Variants in TCF7L2 observed in about 807,000 individuals in gnomAD.
TCF7L2 encodes the protein transcription factor 7 like 2.
A neutral mutation model predicts 77.9 loss-of-function variants in TCF7L2; 23 were observed. The ratio of observed to expected loss-of-function variants is 0.30; its 90% confidence interval spans 0.21 to 0.42. The LOEUF (loss-of-function observed/expected upper bound fraction) is 0.42, where lower values mean the gene tolerates loss of function less well. Among genes scored for constraint, TCF7L2 ranks in the 10% least tolerant of loss-of-function variants. The pLI is 1.00. For synonymous variants in TCF7L2, 413 were observed against 340.2 expected, an observed-to-expected ratio of 1.21 and a Z score of -2.36; for missense variants, 654 against 793.1, an observed-to-expected ratio of 0.82 and a Z score of 2.11.
At chr10:113,005,714 G>T (rs1590298132) in intron 4 of TCF7L2, among the ~76,000 whole-genome samples, 1 of 152,278 alleles carries the variant, frequency 6.6e-6, no homozygotes, top group East Asian at 1.9e-4. Flanking sequence ...GGCTGGGGGG[G>T]AGGAGGAAGT....
At chr10:112,956,382 C>T (rs1344402169) in intron 3 of TCF7L2, among the ~76,000 whole-genome samples, 1 of 138,430 alleles carries the variant, frequency 7.2e-6, no homozygotes, top group Admixed American at 7.6e-5. Flanking sequence ...GCTGGAGTTG[C>T]CAAATAAATA....
chr10:112,964,738 GA>G, intron 4 of TCF7L2, 114 bp downstream of exon 4: 3 of 910,410 alleles, frequency 3.3e-6, no homozygotes, highest in East Asian at 3.2e-5. Context: ...TGATGATGAT[GA>G]TGGTGGTGGT....
chr10:113,159,797 AT>A (rs1191689431), intron 12 of TCF7L2, 122 bp from the exon 14 acceptor site: 1 of 491,134 alleles, frequency 2.0e-6, no homozygotes, highest in East Asian at 3.4e-5. Context: ...TCCCTTTTTT[AT>A]TTTTATTTTT....
intron 7 of TCF7L2, 146 bp downstream of exon 7, chr10:113,144,171 G>C: frequency 1.3e-6 from 1 of 769,690 alleles, no homozygotes. Context: ...GTTGGGGAGG[G>C]GGCTGCGGGA....
intron 5 of TCF7L2, among the ~76,000 whole-genome samples, chr10:113,104,697 C>G (rs1333001733): frequency 7.3e-6 from 1 of 136,892 alleles, no homozygotes; most frequent in African/African-American, 2.7e-5. Flanking sequence ...CATTACTGAG[C>G]TCTACACCTG....
chr10:113,125,963 G>A (rs145855281), intron 5 of TCF7L2: 28 of 152,288 alleles, frequency 1.8e-4, no homozygotes, highest in African/African-American at 6.5e-4. Flanking sequence ...TCTTGATTTT[G>A]TTTAATCTTT....
rs759723338 is a variant in TCF7L2, at chr10:112,951,248, C to T, written c.231C>T (p.Asp77=). The T allele has an allele frequency of 6.4e-7, 1 of 1,568,908 alleles. No homozygotes were observed. Among genetic ancestry groups the T allele is most frequent in the South Asian group, 1.1e-5 (1 of 86,962 alleles). Reference sequence around the variant, plus strand: ...CGCCTCGCTCCGAAAGTTTCCGAGACAAATCCCGGGAAAGTTTGGAAGAAG... The same window carrying T: ...CGCCTCGCTCCGAAAGTTTCCGAGATAAATCCCGGGAAAGTTTGGAAGAAG... Residue 77 remains aspartate, a synonymous_variant, in exon 2 of 14, where the codon GAC becomes GAT. Transcript: ENST00000627217.
At chr10:113,146,192 A>G in intron 8 of TCF7L2, 95 bp downstream of exon 8, 1 of 1,128,550 alleles carries the variant, frequency 8.9e-7, no homozygotes, top group Non-Finnish European at 1.4e-6. Context: ...GACCACAGCT[A>G]CATGTAGTTC....
chr10:113,147,753 C>T (rs868647577), intron 8 of TCF7L2, among the ~76,000 whole-genome samples: 2 of 152,002 alleles, frequency 1.3e-5, no homozygotes, highest in Admixed American at 1.3e-4. Context: ...TTATTTGGTG[C>T]GTTCTGGAGG....
At chr10:113,157,757 T>C (rs1057040477) in intron 11 of TCF7L2, 3 of 400,988 alleles carry the variant, frequency 7.5e-6, no homozygotes, top group Non-Finnish European at 1.4e-5. Context: ...ACAATGGACA[T>C]AGGTACATGA....
chr10:113,043,534 A>G (rs73358287), intron 5 of TCF7L2, among the ~76,000 whole-genome samples: 7,483 of 152,160 alleles, frequency 0.049, 581 homozygotes, highest in African/African-American at 0.17. Context: ...TGGCTGGCCC[A>G]AAACTGGGAG....
At chr10:113,085,944 G>A (rs965034217) in intron 5 of TCF7L2, among the ~76,000 whole-genome samples, 2 of 152,254 alleles carry the variant, frequency 1.3e-5, no homozygotes, top group Non-Finnish European at 2.9e-5. Context: ...AAATAGCTCA[G>A]TGCTGCCAGT....
At chr10:113,022,002 T>G (rs1026821402) in intron 4 of TCF7L2, among the ~76,000 whole-genome samples, 1 of 152,212 alleles carries the variant, frequency 6.6e-6, no homozygotes, top group African/African-American at 2.4e-5. Flanking sequence ...TTAGGCAATC[T>G]TTTAACAGGC....
chr10:113,005,208 G>A (rs561472005), intron 4 of TCF7L2, among the ~76,000 whole-genome samples: 2 of 152,198 alleles, frequency 1.3e-5, no homozygotes, highest in Admixed American at 6.5e-5. Flanking sequence ...CACGCCGCCT[G>A]ATCATTCCAA....
chr10:113,037,298 G>A (rs2051474680), intron 4 of TCF7L2, among the ~76,000 whole-genome samples: 2 of 152,140 alleles, frequency 1.3e-5, no homozygotes, highest in South Asian at 4.1e-4. Flanking sequence ...CAGCGGTTCT[G>A]TGGCATCAAG....
At chr10:112,960,935 C>T (rs550385982) in intron 3 of TCF7L2, among the ~76,000 whole-genome samples, 7 of 152,266 alleles carry the variant, frequency 4.6e-5, no homozygotes, top group South Asian at 4.1e-4. Context: ...TCAGATGATC[C>T]GGCCTCCTCG....
intron 5 of TCF7L2, among the ~76,000 whole-genome samples, chr10:113,095,132 C>A (rs1333302654): frequency 2.0e-5 from 3 of 152,036 alleles, no homozygotes; most frequent in East Asian, 1.9e-4. Flanking sequence ...AAACAAAAAA[C>A]CAAAAAACAA....
intron 5 of TCF7L2, chr10:113,127,016 C>A: frequency 2.5e-6 from 2 of 815,000 alleles, no homozygotes; most frequent in Non-Finnish European, 3.0e-6. Context: ...TGTTCGCTGT[C>A]ACTTTGCGGT....
chr10:113,040,259 G>A (rs538379823), intron 5 of TCF7L2, 133 bp downstream of exon 5: 2 of 768,826 alleles, frequency 2.6e-6, no homozygotes, highest in East Asian at 5.5e-5. Flanking sequence ...ATATTGTTGG[G>A]TATAGTTTAT....
Sources: allele counts gnomAD v4.1 joint callset (sites outside exome capture counted in the v4.1 genomes callset), GRCh38; gene constraint gnomAD v4.1.1; transcripts MANE v1.5; gene names NCBI Gene and HGNC (gene_info 2026-07-23, HGNC 2026-07-21).